Variants in MDM2 observed in about 807,000 individuals in gnomAD.
MDM2 encodes MDM2 proto-oncogene, also known as E3 ubiquitin-protein ligase Mdm2.
Under a neutral mutation model 64.3 loss-of-function variants are expected in MDM2, and 11 were observed. The ratio of observed to expected loss-of-function variants is 0.17; its 90% CI spans 0.11 to 0.28. MDM2 has a LOEUF of 0.28. Among genes scored for constraint, MDM2 ranks in the 10% least tolerant of loss-of-function variants. The probability of loss-of-function intolerance (pLI) is 1.00; values close to 1 mark genes in which losing one functional copy is unlikely to be tolerated. For synonymous variants in MDM2, 194 were observed against 192.9 expected (o/e 1.01, Z -0.05); for missense variants, 388 against 577.1 (o/e 0.67, Z 3.36).
chr12:68,808,519 T>G (rs1880561232), intron 1 of MDM2, 28 bp downstream of exon 1: 1 of 1,613,736 alleles, frequency 6.2e-7, no homozygotes, highest in Non-Finnish European at 8.5e-7. Context: ...AGCGGTCACT[T>G]TTGGGTCTGG....
At chr12:68,829,116 A>G (rs1414790306) in intron 8 of MDM2, among the ~76,000 whole-genome samples, 185 bp downstream of exon 8, 1 of 152,248 alleles carries the variant, frequency 6.6e-6, no homozygotes, top group East Asian at 1.9e-4. Context: ...GTATTGTGAG[A>G]AATGTGGAAA....
intron 2 of MDM2, among the ~76,000 whole-genome samples, chr12:68,813,198 C>G (rs1881058325): frequency 1.3e-5 from 2 of 152,172 alleles, no homozygotes; most frequent in South Asian, 4.1e-4. Context: ...AGATTGATAA[C>G]AGGACCCACT....
At chr12:68,813,383 T>C (rs866379039) in intron 2 of MDM2, among the ~76,000 whole-genome samples, 171 bp from the exon 3 acceptor site, 1 of 152,210 alleles carries the variant, frequency 6.6e-6, no homozygotes, top group Non-Finnish European at 1.5e-5. Context: ...TTGGATACTG[T>C]CTGTGATCAC....
chr12:68,833,187 A>G (rs1882966034), intron 8 of MDM2, among the ~76,000 whole-genome samples: 1 of 132,488 alleles, frequency 7.5e-6, no homozygotes, highest in South Asian at 2.2e-4. Context: ...AATAATGTAT[A>G]AATATATAAT....
downstream of MDM2, chr12:68,847,381 C>G (rs1266830708): frequency 1.4e-5 from 2 of 146,700 alleles, no homozygotes; most frequent in Non-Finnish European, 3.0e-5. Context: ...CTGAGGTATT[C>G]TGTTCATACC....
chr12:68,844,437 C>T lies in MDM2; in HGVS notation c.*4588C>T. On this transcript the variant is annotated 3_prime_UTR_variant, in exon 11 of 11. Coordinates refer to ENST00000258149, the MANE Select transcript of MDM2 (RefSeq NM_002392.6). ...AGAAATGCTGTGTTCTCCCTGTCTT[C>T]TCTTAGGTCACATGGCAGCCTGGCC... 1 of 228,274 alleles carries T rather than the reference C, an allele frequency of 4.4e-6. No homozygotes were observed. The allele number at this position is 228,274 out of a possible 1,614,324, so 14.1% of individuals were successfully genotyped here.
intron 4 of MDM2, among the ~76,000 whole-genome samples, chr12:68,819,007 C>T (rs951842435): frequency 6.6e-6 from 1 of 152,158 alleles, no homozygotes. Context: ...GCTGGGATTA[C>T]AGACGTGAGC....
rs1882124589 is a variant in MDM2, at chr12:68,824,367, A to G, written c.363A>G (p.Ser121=). Residue 121 remains serine (S), a synonymous_variant, in exon 6 of 11, where the codon TCA becomes TCG. Coordinates refer to ENST00000258149, the MANE Select transcript of MDM2 (RefSeq NM_002392.6). ...ATCCTTTTTCTTTTCTCTCAGAATC[A>G]TCGGACTCAGGTACATCTGTGAGTG... ...RNLVVVNQQE[S]SDSGTSVSEN... The G allele has an allele frequency of 6.2e-7, 1 of 1,613,426 alleles. No individual in the cohort carries two copies. The highest frequency in any genetic ancestry group is 1.1e-5 in the South Asian group (1 of 90,914).
downstream of MDM2, chr12:68,848,734 A>C (rs1884498286): frequency 1.3e-5 from 2 of 151,184 alleles, no homozygotes; most frequent in African/African-American, 4.9e-5. Flanking sequence ...TTTGGGGGGG[A>C]CGAAGTCTCG....
intron 2 of MDM2, among the ~76,000 whole-genome samples, chr12:68,813,262 G>A (rs555959732): frequency 2.0e-5 from 3 of 152,256 alleles, no homozygotes; most frequent in East Asian, 1.9e-4. Flanking sequence ...CAATAAGCTC[G>A]TTGGATCAGT....
intron 2 of MDM2, among the ~76,000 whole-genome samples, chr12:68,812,793 A>G (rs1881022651): frequency 6.6e-6 from 1 of 152,148 alleles, no homozygotes; most frequent in Non-Finnish European, 1.5e-5. Flanking sequence ...GAATGCAACC[A>G]TGCCCGTTGG....
the MDM2 span, chr12:68,850,593 C>T: frequency 2.6e-5 from 4 of 152,154 alleles, no homozygotes; most frequent in Non-Finnish European, 5.9e-5. Flanking sequence ...TGTTAGTTTT[C>T]CAGTTCCTAC....
At chr12:68,824,276 G>C in intron 5 of MDM2, 87 bp from the exon 6 acceptor site, 1 of 868,594 alleles carries the variant, frequency 1.2e-6, no homozygotes, top group Admixed American at 2.4e-5. Context: ...ATAAGGGTTT[G>C]TGTTAGACTG....
chr12:68,813,551 T>A lies in MDM2; in HGVS notation c.100-3T>A. ...TATAATAGCAGTTCTTTTCTCTTTA[T>A]AGGTTAGACCAAAGCCATTGCTTTT... On this transcript the variant is annotated splice_region_variant and splice_polypyrimidine_tract_variant and intron_variant, in intron 2 of 10. Coordinates refer to ENST00000258149, the MANE Select transcript of MDM2 (RefSeq NM_002392.6). 1 of 1,609,806 alleles carries A rather than the reference T, an allele frequency of 6.2e-7. No individual in the cohort carries two copies. Among genetic ancestry groups the A allele is most frequent in the Non-Finnish European group, 8.5e-7 (1 of 1,176,790 alleles).
chr12:68,839,731 G>A lies in MDM2; in HGVS notation c.1376G>A (p.Gly459Asp), dbSNP rs1475420873. The A allele has an allele frequency of 6.2e-7, 1 of 1,613,730 alleles. No homozygotes were observed. Among genetic ancestry groups the A allele is most frequent in the African/African-American group, 1.3e-5 (1 of 74,832 alleles). Residue 459 changes from glycine to aspartate, a missense_variant, in exon 11 of 11, where the codon GGC becomes GAC. Coordinates refer to ENST00000258149, the MANE Select transcript of MDM2 (RefSeq NM_002392.6). ...CCTAAAAATGGTTGCATTGTCCATG[G>A]CAAAACAGGACATCTTATGGCCTGC... The part of the protein sequence containing the change: ...GRPKNGCIVH[G>D]KTGHLMACFT...
Position 68,839,866 on chromosome 12 carries a change from A to T in MDM2, c.*17A>T. ...TTCCCCTAGTTGACCTGTCTATAAGAGAATTATATATTTCTAACTATATAA... is the reference window on the plus strand; with the variant it reads ...TTCCCCTAGTTGACCTGTCTATAAGTGAATTATATATTTCTAACTATATAA... On this transcript the variant is annotated 3_prime_UTR_variant, in exon 11 of 11. Coordinates refer to ENST00000258149, the MANE Select transcript of MDM2 (RefSeq NM_002392.6). 6.2e-7 allele frequency: 1 copy of T among 1,603,580 alleles called. No homozygotes were observed. Among genetic ancestry groups the T allele is most frequent in the Non-Finnish European group, 8.5e-7 (1 of 1,173,570 alleles).
At position 68,843,820 on chromosome 12, in the gene MDM2, C is replaced by CT. The variant is rs966414645; in HGVS notation, c.*3979dup. 2.0e-4 allele frequency: 43 copies of CT among 219,190 alleles called. No homozygotes were observed. The highest frequency in any genetic ancestry group is 3.1e-4 in the Non-Finnish European group (34 of 109,506). 13.6% of individuals were successfully genotyped at this position (219,190 alleles called of 1,614,324 possible). ...CTTCAGCTACAACCAAGCAGAATCT[C>CT]TTTTTTTTGGAGGTCCTCGAAGCAT... On this transcript the variant is annotated 3_prime_UTR_variant, in exon 11 of 11. Transcript: ENST00000258149.
rs918778835 is a variant in MDM2 at position 68,813,427 on chromosome 12, A to T, written c.100-127A>T. On this transcript the variant is annotated intron_variant, in intron 2 of 10. Coordinates refer to ENST00000258149, the MANE Select transcript of MDM2 (RefSeq NM_002392.6). ...CTTGATGATTCCATGATACTTGCATAATGATTAGATCCTCCCCAGCATTTT... is the reference window on the plus strand; with the variant it reads ...CTTGATGATTCCATGATACTTGCATTATGATTAGATCCTCCCCAGCATTTT... 6.5e-6 allele frequency: 4 copies of T among 617,972 alleles called. No homozygotes were observed. In the Admixed American group the frequency reaches 1.2e-4, roughly 18 times the overall value. 38.3% of individuals were successfully genotyped at this position (617,972 alleles called of 1,614,324 possible).
At chr12:68,818,328 C>T (rs974902792) in intron 4 of MDM2, among the ~76,000 whole-genome samples, 3 of 151,426 alleles carry the variant, frequency 2.0e-5, no homozygotes, top group African/African-American at 7.3e-5. Flanking sequence ...TTAAAACAAC[C>T]TTATTATTGT....
Sources: allele counts gnomAD v4.1 joint callset (sites outside exome capture counted in the v4.1 genomes callset), GRCh38; gene constraint gnomAD v4.1.1; transcripts MANE v1.5; gene names NCBI Gene and HGNC (gene_info 2026-07-23, HGNC 2026-07-21).